Variants in NRG1 observed in about 807,000 individuals in gnomAD.
NRG1 encodes pro-neuregulin-1, membrane-bound isoform.
NRG1 carries 18 observed loss-of-function variants against 63.8 expected under a neutral mutation model. The observed-to-expected ratio is 0.28, with a 90% CI of 0.19 to 0.42. The LOEUF is 0.42. NRG1 is among the 10% of genes least tolerant of loss of function. The pLI is 1.00. For synonymous variants in NRG1, 302 were observed against 301.3 expected (o/e 1.00, Z -0.02); for missense variants, 762 against 814.7 (o/e 0.94, Z 0.79).
At chr8:32,168,765 T>C (rs1839669979) in intron 1 of NRG1, among the ~76,000 whole-genome samples, 1 of 152,186 alleles carries the variant, frequency 6.6e-6, no homozygotes, top group Admixed American at 6.5e-5. Flanking sequence ...TCAAATCTTA[T>C]CAACAAGGCC....
chr8:32,143,453 A>C (rs1410581557), intron 1 of NRG1, among the ~76,000 whole-genome samples: 1 of 152,216 alleles, frequency 6.6e-6, no homozygotes, highest in African/African-American at 2.4e-5. Context: ...AGCTCCATGG[A>C]GGCAGAGACC....
intron 1 of NRG1, among the ~76,000 whole-genome samples, chr8:32,233,536 A>AATATATAT (rs71541806): frequency 0.015 from 1,276 of 87,676 alleles, 16 homozygotes; most frequent in Middle Eastern, 0.035. Flanking sequence ...AACTCGAAAG[A>AATATATAT]ATATATATAT....
chr8:32,500,102 C>A (rs1827684330), intron 1 of NRG1, among the ~76,000 whole-genome samples: 1 of 152,178 alleles, frequency 6.6e-6, no homozygotes, highest in Non-Finnish European at 1.5e-5. Flanking sequence ...CTGCTTGTGT[C>A]TGGCAACTGA....
chr8:31,714,243 G>A (rs563470446), intron 1 of NRG1, among the ~76,000 whole-genome samples: 3 of 152,078 alleles, frequency 2.0e-5, no homozygotes, highest in South Asian at 4.2e-4. Flanking sequence ...GTAATACCCA[G>A]CAAGTGGAAG....
intron 1 of NRG1, among the ~76,000 whole-genome samples, chr8:32,251,516 A>G (rs767590611): frequency 3.3e-5 from 5 of 152,190 alleles, no homozygotes; most frequent in Admixed American, 6.6e-5. Context: ...TACAATAAAC[A>G]TATGTGTGCA....
chr8:32,760,140 A>AT (rs1830425272), intron 10 of NRG1, 60 bp from the exon 11 acceptor site: 6 of 1,592,294 alleles, frequency 3.8e-6, no homozygotes, highest in African/African-American at 2.7e-5. Context: ...TTTCATTTCC[A>AT]TTTTTTTGCA....
chr8:32,655,836 G>A (rs529040820), intron 5 of NRG1, among the ~76,000 whole-genome samples: 37 of 152,156 alleles, frequency 2.4e-4, no homozygotes, highest in Non-Finnish European at 4.7e-4. Context: ...GTAAAATTGT[G>A]TTTGTCAAGT....
intron 1 of NRG1, among the ~76,000 whole-genome samples, chr8:32,247,997 C>A (rs371634336): frequency 1.7e-4 from 26 of 152,020 alleles, no homozygotes; most frequent in African/African-American, 6.3e-4. Context: ...ATTCATCAAG[C>A]CTTAGCTAGC....
chr8:32,664,530 C>G (rs1001462690), intron 5 of NRG1, among the ~76,000 whole-genome samples: 1 of 151,960 alleles, frequency 6.6e-6, no homozygotes, highest in Non-Finnish European at 1.5e-5. Context: ...TTATTAAGCA[C>G]GTATTGTGTG....
intron 1 of NRG1, among the ~76,000 whole-genome samples, chr8:32,579,436 G>T (rs1455203677): frequency 6.6e-6 from 1 of 152,042 alleles, no homozygotes; most frequent in South Asian, 2.1e-4. Context: ...GGTTGTCTGG[G>T]TCACAACTGT....
chr8:32,618,212 T>A (rs1003932801), intron 5 of NRG1, among the ~76,000 whole-genome samples: 2 of 152,046 alleles, frequency 1.3e-5, no homozygotes, highest in Non-Finnish European at 2.9e-5. Flanking sequence ...TTTTTTTTTT[T>A]AAGTGTTTAT....
At chr8:32,208,880 T>C (rs1294947867) in intron 1 of NRG1, among the ~76,000 whole-genome samples, 2 of 152,184 alleles carry the variant, frequency 1.3e-5, no homozygotes, top group African/African-American at 4.8e-5. Context: ...TATGAAAGAC[T>C]GTTTTTGATA....
intron 1 of NRG1, among the ~76,000 whole-genome samples, chr8:32,044,561 A>C (rs1374256590): frequency 2.6e-5 from 4 of 151,824 alleles, no homozygotes; most frequent in Admixed American, 2.6e-4. Flanking sequence ...CATTCTAAAT[A>C]ATAAAACAAA....
At chr8:32,529,259 A>C (rs1831198199) in intron 1 of NRG1, among the ~76,000 whole-genome samples, 1 of 152,218 alleles carries the variant, frequency 6.6e-6, no homozygotes, top group African/African-American at 2.4e-5. Context: ...TAGAAAATAA[A>C]ATATGGTACA....
At chr8:32,240,701 T>C (rs1448797507) in intron 1 of NRG1, among the ~76,000 whole-genome samples, 2 of 152,148 alleles carry the variant, frequency 1.3e-5, no homozygotes, top group Non-Finnish European at 1.5e-5. Flanking sequence ...CTGTGAATTA[T>C]TGATTCACAG....
intron 1 of NRG1, among the ~76,000 whole-genome samples, chr8:32,503,061 G>A (rs375226836): frequency 1.6e-3 from 243 of 151,882 alleles, no homozygotes; most frequent in Admixed American, 5.8e-3. Flanking sequence ...TGAGATGGGC[G>A]GATCATGAGG....
intron 1 of NRG1, among the ~76,000 whole-genome samples, chr8:32,063,958 G>A: frequency 6.6e-6 from 1 of 152,084 alleles, no homozygotes; most frequent in Non-Finnish European, 1.5e-5. Context: ...AGTGTGGGCA[G>A]GGAGAATGTG....
chr8:32,341,829 A>G lies in NRG1; in HGVS notation c.38-253999A>G, dbSNP rs187277952. Among the ~76,000 whole-genome samples the G allele has an allele frequency of 1.5e-3, 225 of 152,354 alleles. 1 individual carries two copies. The highest frequency in any genetic ancestry group is 1.3e-3 in the Non-Finnish European group (89 of 68,030). ...TTTCTGAGTTAATGAAGAAATAATT[A>G]CAAAATATTTTTGAAAAAGTGACAT... On this transcript the variant is annotated intron_variant, in intron 1 of 10. Transcript: ENST00000519301.
intron 1 of NRG1, among the ~76,000 whole-genome samples, chr8:32,525,889 G>T (rs1045693680): frequency 2.0e-5 from 3 of 152,108 alleles, no homozygotes; most frequent in Non-Finnish European, 2.9e-5. Context: ...AAATTCATCA[G>T]CTGCCCATCT....
Sources: gnomAD v4.1 joint callset for allele counts (sites outside exome capture counted in the v4.1 genomes callset) on GRCh38, gnomAD v4.1.1 for gene constraint, MANE v1.5 for transcripts, NCBI Gene and HGNC (gene_info 2026-07-23, HGNC 2026-07-21) for gene names.